The following KLHL18 variants were observed in gnomAD, a reference collection of about 807,000 sequenced individuals.
The protein encoded by KLHL18 is kelch-like protein 18.
A neutral mutation model predicts 58.5 loss-of-function variants in KLHL18; 38 were observed. That is an observed-to-expected ratio of 0.65 (90% confidence interval 0.50 to 0.85). The LOEUF is 0.85. Ranked by LOEUF, KLHL18 falls within the 40% of genes least tolerant of loss-of-function variation. The pLI is 0.00. For missense variants in KLHL18, 624 were observed against 778.4 expected, an observed-to-expected ratio of 0.80 and a Z score of 2.36; for synonymous variants, 303 against 301.9, an observed-to-expected ratio of 1.00 and a Z score of -0.04.
chr3:47,324,289 TCTTTC>T (rs1703657308), intron 3 of KLHL18, among the ~76,000 whole-genome samples: 4 of 132,760 alleles, frequency 3.0e-5, no homozygotes, highest in African/African-American at 1.1e-4. Context: ...TTTTTCTTTT[TCTTTC>T]TTTCTTTTTT....
At chr3:47,300,932 G>T (rs759382371) in intron 1 of KLHL18, among the ~76,000 whole-genome samples, 4 of 152,054 alleles carry the variant, frequency 2.6e-5, no homozygotes, top group Non-Finnish European at 5.9e-5. Context: ...GAGTCACCAC[G>T]CCCGGCCTCA....
At chr3:47,299,423 T>TA in intron 1 of KLHL18, among the ~76,000 whole-genome samples, 1 of 151,184 alleles carries the variant, frequency 6.6e-6, no homozygotes, top group African/African-American at 2.4e-5. Flanking sequence ...TAGTAGACTT[T>TA]CAGTAAAGTT....
intron 1 of KLHL18, among the ~76,000 whole-genome samples, chr3:47,313,580 AGAGGAACT>A (rs1270767458): frequency 6.6e-6 from 1 of 152,180 alleles, no homozygotes; most frequent in African/African-American, 2.4e-5. Flanking sequence ...CTATTAAGCC[AGAGGAACT>A]GAAAGTACAA....
rs188830477 is a variant in KLHL18, at chr3:47,345,575, T to G, written c.*1634T>G. On this transcript the variant is annotated 3_prime_UTR_variant, in exon 10 of 10. Coordinates refer to ENST00000232766, the MANE Select transcript of KLHL18 (RefSeq NM_025010.5). ...AGGACATTTTCTCTTGCCAGTGCAC[T>G]GGGCAGTGGGGCTGTCCTTCAACTG... is the stretch of plus-strand genomic sequence containing the variant. The G allele has an allele frequency of 6.5e-6, 1 of 152,812 alleles. No homozygotes were observed. Among genetic ancestry groups the G allele is most frequent in the East Asian group, 1.9e-4 (1 of 5,184 alleles). 9.5% of individuals were successfully genotyped at this position (152,812 alleles called of 1,614,324 possible).
rs566036830 is a variant in KLHL18 at position 47,283,034 on chromosome 3, C to T, written c.69C>T (p.Arg23=). The T allele has an allele frequency of 2.5e-6, 4 of 1,603,894 alleles. No individual in the cohort carries two copies. In the South Asian group the frequency reaches 4.5e-5, roughly 18 times the overall value. Residue 23 remains arginine (R), a synonymous_variant, in exon 1 of 10, where the codon CGC becomes CGT. Transcript: ENST00000232766. ...TCTCCGTGTCTGAGTTGCCTAGTCG[C>T]GGCTACGGCGTCATGGAGGAGATCC... is the stretch of plus-strand genomic sequence containing the variant. ...VHFSVSELPS[R]GYGVMEEIRR...
At position 47,299,879 on chromosome 3, in the gene KLHL18, T is replaced by G. The variant is rs543977871; in HGVS notation, c.129+16785T>G. 5.9e-4 allele frequency among the ~76,000 whole-genome samples: 78 copies of G among 132,868 alleles called. No individual in the cohort carries two copies. The East Asian group carries it at 0.019, about 32-fold the overall frequency. The allele number at this position is 132,868 out of a possible 152,430, so 87.2% of individuals were successfully genotyped here. On this transcript the variant is annotated intron_variant, in intron 1 of 9. Coordinates refer to ENST00000232766, the MANE Select transcript of KLHL18 (RefSeq NM_025010.5). ...AAGATTGCAAGATAAAAACCCTACCTAAGTTTCCTGCCTGCTCACCTGCCC... is the reference window on the plus strand; with the variant it reads ...AAGATTGCAAGATAAAAACCCTACCGAAGTTTCCTGCCTGCTCACCTGCCC...
rs191274577 is a variant in KLHL18, at chr3:47,327,661, G to T, written c.402-2290G>T. On this transcript the variant is annotated intron_variant, in intron 3 of 9. Coordinates refer to ENST00000232766, the MANE Select transcript of KLHL18 (RefSeq NM_025010.5). ...TGGCCATGAACTTTGCCTACATCTT[G>T]CTCTCTGCTTATGTTTCTGTGCTCT... is the stretch of plus-strand genomic sequence containing the variant. Among the ~76,000 whole-genome samples the T allele has an allele frequency of 8.7e-4, 132 of 152,320 alleles. 2 individuals carry two copies. The highest frequency in any genetic ancestry group is 3.0e-3 in the African/African-American group (124 of 41,564).
At chr3:47,285,711 C>CTT (rs1702660598) in intron 1 of KLHL18, among the ~76,000 whole-genome samples, 1 of 152,128 alleles carries the variant, frequency 6.6e-6, no homozygotes, top group African/African-American at 2.4e-5. Context: ...ATATGGTAAT[C>CTT]TTTTAGCAGA....
chr3:47,332,956 T>C (rs1256953313), intron 4 of KLHL18, among the ~76,000 whole-genome samples: 2 of 152,148 alleles, frequency 1.3e-5, no homozygotes, highest in African/African-American at 2.4e-5. Context: ...TAGGAAATCA[T>C]AATCATAATG....
At position 47,343,903 on chromosome 3, in the gene KLHL18, G is replaced by A. The variant is rs1455245524; in HGVS notation, c.1687G>A (p.Gly563Arg). The A allele has an allele frequency of 6.2e-7, 1 of 1,614,122 alleles. No homozygotes were observed. The highest frequency in any genetic ancestry group is 1.7e-5 in the Admixed American group (1 of 60,032). Residue 563 changes from glycine (G) to arginine (R), a missense_variant, in exon 10 of 10, where the codon GGG becomes AGG. Coordinates refer to ENST00000232766, the MANE Select transcript of KLHL18 (RefSeq NM_025010.5). The part of the protein sequence containing the change: ...FMAPMACHEG[G>R]VGVGCIPLLT... The stretch of plus-strand genomic sequence containing the variant: ...GGCCCCCATGGCGTGCCATGAGGGA[G>A]GGGTCGGTGTGGGCTGCATCCCTCT...
chr3:47,300,295 A>ATATATATG (rs1702989661), intron 1 of KLHL18, among the ~76,000 whole-genome samples: 1 of 145,342 alleles, frequency 6.9e-6, no homozygotes, highest in Admixed American at 6.9e-5. Flanking sequence ...TTTTATATAT[A>ATATATATG]TATATATATA....
intron 3 of KLHL18, among the ~76,000 whole-genome samples, chr3:47,328,491 T>C (rs1237688974): frequency 6.6e-6 from 1 of 152,062 alleles, no homozygotes; most frequent in Non-Finnish European, 1.5e-5. Context: ...GGTGAGCAAA[T>C]TACTGACACT....
intron 1 of KLHL18, among the ~76,000 whole-genome samples, chr3:47,315,002 A>G (rs1703387891): frequency 6.6e-6 from 1 of 152,120 alleles, no homozygotes; most frequent in South Asian, 2.1e-4. Context: ...TATTTTCTAG[A>G]TGAAAAATAA....
At position 47,343,632 on chromosome 3, in the gene KLHL18, C is replaced by T. The variant is rs369940190; in HGVS notation, c.1416C>T (p.Ala472=). The change falls in exon 10 of 10, where the codon GCC becomes GCT. Residue 472 remains alanine (A), a synonymous_variant. Coordinates refer to ENST00000232766, the MANE Select transcript of KLHL18 (RefSeq NM_025010.5). ...TCAACAAGCGCTGCCGGCACGGAGC[C>T]GCCTCCCTGGGGAGCAAGATGTTTG... ...GMLNKRCRHG[A]ASLGSKMFVC... is the part of the protein sequence containing the mutation. 1.9e-5 allele frequency: 30 copies of T among 1,614,150 alleles called. No individual in the cohort carries two copies. The highest frequency in any genetic ancestry group is 2.2e-5 in the East Asian group (1 of 44,886).
chr3:47,316,607 A>G (rs1044664394), intron 1 of KLHL18, among the ~76,000 whole-genome samples: 43 of 119,560 alleles, frequency 3.6e-4, no homozygotes, highest in Non-Finnish European at 6.2e-4. Flanking sequence ...ATATATGTAT[A>G]TGTGTGTATA....
At position 47,344,039 on chromosome 3, in the gene KLHL18, T is replaced by C. The variant is rs1216531502; in HGVS notation, c.*98T>C. 11 of 1,477,664 alleles carry C rather than the reference T, an allele frequency of 7.4e-6. No homozygotes were observed. Among genetic ancestry groups the C allele is most frequent in the Non-Finnish European group, 1.0e-5 (11 of 1,098,890 alleles). The allele number at this position is 1,477,664 out of a possible 1,614,324, so 91.5% of individuals were successfully genotyped here. A position where few individuals can be genotyped will look rare whatever the true frequency, so the allele number is the denominator to read the frequency against. ...AGGAGAGGCAGTGGACCAGAAGAGATGGCGAAACGTGAGCTCGCCGGAGGT... is the reference window on the plus strand; with the variant it reads ...AGGAGAGGCAGTGGACCAGAAGAGACGGCGAAACGTGAGCTCGCCGGAGGT... On this transcript the variant is annotated 3_prime_UTR_variant, in exon 10 of 10. Transcript: ENST00000232766.
chr3:47,287,825 A>G (rs902275117), intron 1 of KLHL18, among the ~76,000 whole-genome samples: 1 of 152,132 alleles, frequency 6.6e-6, no homozygotes, highest in African/African-American at 2.4e-5. Context: ...TGGAGTTTCT[A>G]GAAGGAGTGG....
At chr3:47,321,637 A>G (rs1703591928) in intron 2 of KLHL18, among the ~76,000 whole-genome samples, 1 of 152,214 alleles carries the variant, frequency 6.6e-6, no homozygotes, top group African/African-American at 2.4e-5. Flanking sequence ...GGCGTGAGCC[A>G]CTGCGCCCGG....
chr3:47,332,596 G>T (rs1483365475), intron 4 of KLHL18, among the ~76,000 whole-genome samples: 3 of 151,266 alleles, frequency 2.0e-5, no homozygotes, highest in Middle Eastern at 3.4e-3. Context: ...TTAATATGAC[G>T]GGGGGCGGGG....
Sources: allele counts gnomAD v4.1 joint callset (sites outside exome capture counted in the v4.1 genomes callset), GRCh38; gene constraint gnomAD v4.1.1; transcripts MANE v1.5; gene names NCBI Gene and HGNC (gene_info 2026-07-23, HGNC 2026-07-21).